The following AOAH variants were observed in gnomAD, a reference collection of about 807,000 sequenced individuals.
The protein encoded by AOAH is acyloxyacyl hydrolase (neutrophil).
AOAH carries 64 observed loss-of-function variants against 92.2 expected under a neutral mutation model. The observed-to-expected ratio is 0.69, with a 90% CI of 0.57 to 0.86. AOAH has a LOEUF of 0.86. Among genes scored for constraint, AOAH ranks in the 40% least tolerant of loss-of-function variants. The probability of loss-of-function intolerance (pLI) is 0.00; values close to 1 mark genes in which losing one functional copy is unlikely to be tolerated. For synonymous variants in AOAH, 263 were observed against 254.5 expected (o/e 1.03, Z -0.32); for missense variants, 656 against 694.6 (o/e 0.94, Z 0.62).
At chr7:36,619,107 G>C (rs1235754550) in intron 9 of AOAH, among the ~76,000 whole-genome samples, 1 of 152,148 alleles carries the variant, frequency 6.6e-6, no homozygotes, top group African/African-American at 2.4e-5. Context: ...TCAGAGATGT[G>C]TTAACAAGAG....
intron 4 of AOAH, among the ~76,000 whole-genome samples, chr7:36,658,219 C>G (rs905891861): frequency 6.6e-6 from 1 of 152,128 alleles, no homozygotes; most frequent in African/African-American, 2.4e-5. Context: ...CTCAAGGAGA[C>G]AGGCTGATGT....
At chr7:36,565,936 A>G (rs2116526613) in intron 13 of AOAH, among the ~76,000 whole-genome samples, 1 of 152,320 alleles carries the variant, frequency 6.6e-6, no homozygotes, top group South Asian at 2.1e-4. Flanking sequence ...TTTAAATTTC[A>G]CTAACTGTTC....
chr7:36,615,851 T>C (rs190949116), intron 11 of AOAH, among the ~76,000 whole-genome samples: 3 of 152,248 alleles, frequency 2.0e-5, no homozygotes, highest in Admixed American at 2.0e-4. Flanking sequence ...TTCTCTGTCA[T>C]TGTTTGCAAT....
intron 1 of AOAH, among the ~76,000 whole-genome samples, chr7:36,702,322 C>CT (rs1234971953): frequency 6.6e-6 from 1 of 152,116 alleles, no homozygotes; most frequent in East Asian, 1.9e-4. Flanking sequence ...TGAAGGACTT[C>CT]TTTTTTACCA....
intron 11 of AOAH, among the ~76,000 whole-genome samples, chr7:36,615,633 T>TGTTC (rs1309671321): frequency 2.6e-5 from 4 of 152,004 alleles, no homozygotes; most frequent in Non-Finnish European, 5.9e-5. Context: ...CCCAGGTGTT[T>TGTTC]GCACAATTTG....
At chr7:36,637,807 A>T (rs1003545470) in intron 5 of AOAH, 44 bp downstream of exon 5, 2 of 1,580,938 alleles carry the variant, frequency 1.3e-6, no homozygotes, top group African/African-American at 2.7e-5. Context: ...GTGAGAGAGG[A>T]CATGCCAAGG....
At chr7:36,723,936 TA>T in intron 1 of AOAH, 85 bp downstream of exon 1, 1 of 1,436,410 alleles carries the variant, frequency 7.0e-7, no homozygotes, top group Non-Finnish European at 9.4e-7. Flanking sequence ...CTTGATTTAA[TA>T]AAATATGTGA....
At chr7:36,637,100 C>G (rs1475021713) in intron 5 of AOAH, among the ~76,000 whole-genome samples, 3 of 152,120 alleles carry the variant, frequency 2.0e-5, no homozygotes, top group Admixed American at 2.0e-4. Flanking sequence ...GCAACCAGGG[C>G]CTAAGTCAAA....
At chr7:36,623,343 T>G in intron 6 of AOAH, 93 bp from the exon 7 acceptor site, 1 of 1,150,346 alleles carries the variant, frequency 8.7e-7, no homozygotes, top group South Asian at 1.3e-5. Flanking sequence ...GATACAGCTC[T>G]GTTGAGTTTA....
At chr7:36,517,939 ACACACC>A (rs1226109742) in intron 20 of AOAH, among the ~76,000 whole-genome samples, 5,233 of 43,180 alleles carry the variant, frequency 0.12, 307 homozygotes, top group African/African-American at 0.38. Flanking sequence ...ACCCACACAC[ACACACC>A]CACACACACA....
At chr7:36,545,762 G>T (rs1034859977) in intron 15 of AOAH, among the ~76,000 whole-genome samples, 1 of 152,192 alleles carries the variant, frequency 6.6e-6, no homozygotes, top group Non-Finnish European at 1.5e-5. Flanking sequence ...CTAGATGCTT[G>T]TATAATTCTA....
intron 20 of AOAH, among the ~76,000 whole-genome samples, chr7:36,517,206 C>CTTTCTTTCTTTCTTTCTTTCT (rs1554360930): frequency 0.024 from 1,147 of 47,204 alleles, 46 homozygotes; most frequent in African/African-American, 0.033. Flanking sequence ...TTCTTTCTTT[C>CTTTCTTTCTTTCTTTCTTTCT]TTTCTTTCTC....
At chr7:36,596,649 T>C (rs1468458941) in intron 11 of AOAH, among the ~76,000 whole-genome samples, 5 of 152,188 alleles carry the variant, frequency 3.3e-5, no homozygotes, top group African/African-American at 7.2e-5. Flanking sequence ...GATTGCCAGC[T>C]GTCTCCAGAA....
intron 3 of AOAH, among the ~76,000 whole-genome samples, chr7:36,659,705 A>G (rs890452171): frequency 6.6e-6 from 1 of 152,122 alleles, no homozygotes; most frequent in African/African-American, 2.4e-5. Flanking sequence ...TCTTAGGCAC[A>G]ATCCAAACAA....
intron 13 of AOAH, among the ~76,000 whole-genome samples, chr7:36,552,833 T>C (rs1786374150): frequency 6.6e-6 from 1 of 152,214 alleles, no homozygotes; most frequent in Admixed American, 6.5e-5. Context: ...TATTTGGTTT[T>C]CTGTTTCTAC....
chr7:36,637,770 G>T, intron 5 of AOAH, 81 bp downstream of exon 5: 1 of 1,305,156 alleles, frequency 7.7e-7, no homozygotes, highest in African/African-American at 1.5e-5. Flanking sequence ...AGTAGTCCTT[G>T]CCTTTGGGAT....
At chr7:36,565,747 G>A (rs751034073) in intron 13 of AOAH, among the ~76,000 whole-genome samples, 2 of 151,644 alleles carry the variant, frequency 1.3e-5, no homozygotes, top group South Asian at 2.1e-4. Context: ...CTCGCTATGC[G>A]CAGACTTGTC....
chr7:36,549,339 T>C (rs1244676999), intron 14 of AOAH, 100 bp downstream of exon 14: 3 of 908,890 alleles, frequency 3.3e-6, no homozygotes, highest in Non-Finnish European at 5.3e-6. Flanking sequence ...TAACAAGCTA[T>C]TTATGCTCAG....
intron 11 of AOAH, among the ~76,000 whole-genome samples, chr7:36,615,484 C>A (rs942348892): frequency 6.6e-6 from 1 of 152,158 alleles, no homozygotes; most frequent in African/African-American, 2.4e-5. Flanking sequence ...TGTTACATTT[C>A]CTCACGATAA....
Sources: allele counts gnomAD v4.1 joint callset (sites outside exome capture counted in the v4.1 genomes callset), GRCh38; gene constraint gnomAD v4.1.1; transcripts MANE v1.5; gene names NCBI Gene and HGNC (gene_info 2026-07-23, HGNC 2026-07-21).